The following NUP188 variants were observed in gnomAD, a reference collection of about 807,000 sequenced individuals.
The protein encoded by NUP188 is nucleoporin NUP188.
In NUP188, 97 loss-of-function variants were observed where a neutral mutation model predicts 223.0. The ratio of observed to expected loss-of-function variants is 0.43; its 90% confidence interval spans 0.37 to 0.51. The LOEUF (loss-of-function observed/expected upper bound fraction) is 0.51, where lower values mean the gene tolerates loss of function less well. NUP188 is among the 20% of genes least tolerant of loss of function. The pLI is 0.00. For missense variants in NUP188, 1,947 were observed against 2,175.6 expected (o/e 0.89, Z 2.09); for synonymous variants, 869 against 828.0 (o/e 1.05, Z -0.85).
chr9:129,006,009 T>A (rs1365412833), intron 41 of NUP188, 41 bp from the exon 42 acceptor site: 4 of 1,606,766 alleles, frequency 2.5e-6, no homozygotes, highest in Non-Finnish European at 3.4e-6. Flanking sequence ...AAGTGGGAGC[T>A]GTTCCTGTTG....
At chr9:128,981,600 C>A (rs537205978) in intron 15 of NUP188, among the ~76,000 whole-genome samples, 3 of 152,144 alleles carry the variant, frequency 2.0e-5, no homozygotes, top group Non-Finnish European at 4.4e-5. Context: ...AGGCTCACAT[C>A]TGTACCAGGT....
At chr9:128,975,242 T>C (rs1262257743) in intron 12 of NUP188, among the ~76,000 whole-genome samples, 2 of 150,252 alleles carry the variant, frequency 1.3e-5, no homozygotes, top group Non-Finnish European at 3.0e-5. Flanking sequence ...TTTTTTTTTT[T>C]TGAGACGGAG....
intron 8 of NUP188, among the ~76,000 whole-genome samples, chr9:128,965,696 G>A (rs891999662): frequency 1.3e-5 from 2 of 151,290 alleles, no homozygotes; most frequent in East Asian, 2.0e-4. Flanking sequence ...CAGGTGATCC[G>A]GCCCCCTCAG....
At position 128,999,524 on chromosome 9, in the gene NUP188, C is replaced by T. The variant is rs1842599823; in HGVS notation, c.3662-100C>T. 4.6e-6 allele frequency: 6 copies of T among 1,302,718 alleles called. No individual in the cohort carries two copies. The Admixed American group carries it at 1.1e-4, about 25-fold the overall frequency. The allele number at this position is 1,302,718 out of a possible 1,614,324, so 80.7% of individuals were successfully genotyped here. ...TGGACAGATGCTGTCCCTCCTAGCG[C>T]CCTAGTACATCTCCAGCCCCTTCCT... On this transcript the variant is annotated intron_variant, in intron 33 of 43. Transcript: ENST00000372577.
Position 128,988,197 on chromosome 9 carries a change from C to A in NUP188, c.2533+11C>A, listed in dbSNP as rs1159347149. The A allele has an allele frequency of 7.4e-6, 12 of 1,613,618 alleles. No individual in the cohort carries two copies. The highest frequency in any genetic ancestry group is 9.3e-6 in the Non-Finnish European group (11 of 1,179,798). On this transcript the variant is annotated intron_variant, in intron 24 of 43. Transcript: ENST00000372577. ...CTCTCTCACAACATGGTATGTATTT[C>A]TCTTCCAGTCACAACATGGTATGTA...
intron 8 of NUP188, among the ~76,000 whole-genome samples, chr9:128,965,531 C>T (rs1264727413): frequency 6.6e-6 from 1 of 152,090 alleles, no homozygotes; most frequent in African/African-American, 2.4e-5. Context: ...TGGCTCACTG[C>T]AACATCCACT....
At chr9:128,962,163 G>C (rs143101418) in intron 8 of NUP188, among the ~76,000 whole-genome samples, 3,434 of 151,992 alleles carry the variant, frequency 0.023, 65 homozygotes, top group Middle Eastern at 0.068. Flanking sequence ...TGGAACTCCT[G>C]ACCTCAGGTG....
At position 128,982,689 on chromosome 9, in the gene NUP188, G is replaced by A. The variant is rs1189143356; in HGVS notation, c.1657G>A (p.Val553Ile). The change falls in exon 16 of 44, where the codon GTT (valine) becomes ATT (isoleucine). Residue 553 changes from valine (V) to isoleucine (I), a missense_variant. Around this residue, in one of 3 missense-constraint regions of NUP188, gnomAD observed 817 missense variants for 865.8 expected, o/e 0.94. Coordinates refer to ENST00000372577, the MANE Select transcript of NUP188 (RefSeq NM_015354.3). ...CGAGATTGAAATGTTGCTTCATGTT[G>A]TTTCAACTGCAGGTAAGGTCAGCTT... is the stretch of plus-strand genomic sequence containing the variant. Reference protein sequence around the residue: ...TCEIEMLLHVVSTADVIQHCQ... With the variant: ...TCEIEMLLHVISTADVIQHCQ... The A allele has an allele frequency of 1.4e-5, 22 of 1,613,766 alleles. No homozygotes were observed. The highest frequency in any genetic ancestry group is 1.9e-5 in the Non-Finnish European group (22 of 1,179,992).
chr9:128,951,135 C>A (rs908526465), intron 2 of NUP188, among the ~76,000 whole-genome samples: 9 of 151,908 alleles, frequency 5.9e-5, no homozygotes, highest in Non-Finnish European at 1.0e-4. Context: ...ATGGAGAAAC[C>A]CCGTCTCTAC....
intron 3 of NUP188, among the ~76,000 whole-genome samples, chr9:128,953,131 C>T (rs1841818107): frequency 6.6e-6 from 1 of 152,134 alleles, no homozygotes; most frequent in South Asian, 2.1e-4. Flanking sequence ...TATTCAGAGT[C>T]CACAGTGTCT....
At position 128,999,608 on chromosome 9, in the gene NUP188, CCTGT is replaced by C; in HGVS notation, c.3662-13_3662-10del. 1 of 1,607,740 alleles carries C rather than the reference CCTGT, an allele frequency of 6.2e-7. No individual in the cohort carries two copies. Reference sequence around the variant, plus strand: ...CCTGGTGAGCATGACAGTGTCCCTCCCTGTCTATTCTACAGTAAGTGACATCCCC... The same window carrying C: ...CCTGGTGAGCATGACAGTGTCCCTCCCTATTCTACAGTAAGTGACATCCCC... On this transcript the variant is annotated splice_polypyrimidine_tract_variant and intron_variant, in intron 33 of 43. Transcript: ENST00000372577.
rs1588281313 is a variant in NUP188 at position 128,981,523 on chromosome 9, C to A, written c.1516+133C>A. On this transcript the variant is annotated intron_variant, in intron 15 of 43. Transcript: ENST00000372577. ...AAATTCTTGGGCTCAAGTGATTCTCCCACCTTAGCCTCCCAAAGCACTGGG... is the reference window on the plus strand; with the variant it reads ...AAATTCTTGGGCTCAAGTGATTCTCACACCTTAGCCTCCCAAAGCACTGGG... 3.5e-6 allele frequency: 3 copies of A among 861,642 alleles called. No homozygotes were observed. In the East Asian group the frequency reaches 7.8e-5, roughly 22 times the overall value. 53.4% of individuals were successfully genotyped at this position (861,642 alleles called of 1,614,324 possible).
chr9:128,977,979 T>G (rs952235825), intron 12 of NUP188, among the ~76,000 whole-genome samples: 1 of 152,134 alleles, frequency 6.6e-6, no homozygotes, highest in African/African-American at 2.4e-5. Flanking sequence ...CTGTCCCCAT[T>G]TTACAGATAA....
intron 22 of NUP188, among the ~76,000 whole-genome samples, chr9:128,987,088 A>AGTGTGTGTGTGT (rs376346210): frequency 4.4e-5 from 5 of 113,260 alleles, no homozygotes; most frequent in Non-Finnish European, 7.3e-5. Flanking sequence ...AGAGAGAGAG[A>AGTGTGTGTGTGT]GTGTGTGTGT....
At chr9:128,986,129 T>C (rs976801115) in intron 20 of NUP188, among the ~76,000 whole-genome samples, 17 of 152,206 alleles carry the variant, frequency 1.1e-4, no homozygotes, top group Non-Finnish European at 2.5e-4. Context: ...AGAAGGATGC[T>C]ACAGTTAACA....
In NUP188 at chr9:128,994,420, C is replaced by T. The variant is rs764747911; in HGVS notation, c.3065C>T (p.Ser1022Phe). The change falls in exon 28 of 44, where the codon TCT becomes TTT. Residue 1022 changes from serine to phenylalanine, a missense_variant. Physicochemically the swap from Ser to Phe is radical, Grantham distance 155 (BLOSUM62 -2). Transcript: ENST00000372577. Reference protein sequence around the residue: ...NLTSPLFGTLSPPSETSEPSI... With the variant: ...NLTSPLFGTLFPPSETSEPSI... The stretch of plus-strand genomic sequence containing the variant: ...ACCAGTCCGCTGTTTGGAACCCTTT[C>T]TCCTCCCTCTGAAACATCAGAGGTA... 8.7e-6 allele frequency: 14 copies of T among 1,613,392 alleles called. No homozygotes were observed. In the East Asian group the frequency reaches 1.3e-4, roughly 15 times the overall value.
At chr9:128,956,240 G>T in intron 3 of NUP188, 110 bp from the exon 4 acceptor site, 4 of 514,474 alleles carry the variant, frequency 7.8e-6, no homozygotes, top group South Asian at 2.6e-5. Flanking sequence ...TGTGTTTATA[G>T]GCATCTGAAG....
intron 27 of NUP188, 42 bp downstream of exon 27, chr9:128,993,736 A>C (rs1842470269): frequency 6.4e-7 from 1 of 1,569,722 alleles, no homozygotes; most frequent in East Asian, 2.3e-5. Flanking sequence ...TCTGGTCTAT[A>C]AAATGGGAGT....
chr9:129,006,410 C>G (rs780042553), intron 43 of NUP188, 42 bp downstream of exon 43: 1 of 1,613,910 alleles, frequency 6.2e-7, no homozygotes, highest in Admixed American at 1.7e-5. Context: ...CCAATAGGGC[C>G]AGAGCCCTGT....
Sources: allele counts gnomAD v4.1 joint callset (sites outside exome capture counted in the v4.1 genomes callset), GRCh38; gene constraint gnomAD v4.1.1; regional missense constraint gnomAD v4.1.1; transcripts MANE v1.5; gene names NCBI Gene and HGNC (gene_info 2026-07-23, HGNC 2026-07-21).